DGKB: variants seen among roughly 807,000 people sequenced by gnomAD.
DGKB encodes 90 kDa diacylglycerol kinase.
Under a neutral mutation model 114.3 loss-of-function variants are expected in DGKB, and 67 were observed. The observed-to-expected ratio is 0.59, with a 90% CI of 0.48 to 0.72. The LOEUF is 0.72. DGKB is among the 30% of genes least tolerant of loss of function. The pLI is 0.00. For synonymous variants in DGKB, 398 were observed against 323.1 expected (o/e 1.23, Z -2.49); for missense variants, 907 against 975.2 (o/e 0.93, Z 0.93).
At chr7:14,254,516 C>T (rs1353191015) in intron 23 of DGKB, among the ~76,000 whole-genome samples, 1 of 152,132 alleles carries the variant, frequency 6.6e-6, no homozygotes, top group Admixed American at 6.5e-5. Flanking sequence ...ATGTTAGTTA[C>T]ATCACCCAGC....
chr7:14,248,045 T>G (rs1413756027), intron 23 of DGKB, among the ~76,000 whole-genome samples: 3 of 151,938 alleles, frequency 2.0e-5, no homozygotes, highest in Non-Finnish European at 4.4e-5. Context: ...GAAATAGGAG[T>G]TCGATTCTAT....
intron 1 of DGKB, among the ~76,000 whole-genome samples, chr7:14,902,196 C>T (rs917642488): frequency 3.3e-5 from 5 of 152,138 alleles, no homozygotes; most frequent in Non-Finnish European, 2.9e-5. Context: ...TGGACTGGAA[C>T]TTGTAACAAT....
At chr7:14,412,681 A>G (rs1386528460) in intron 21 of DGKB, among the ~76,000 whole-genome samples, 3 of 152,060 alleles carry the variant, frequency 2.0e-5, no homozygotes, top group Non-Finnish European at 4.4e-5. Context: ...ACTGAGGGAG[A>G]GCAAAAGTCA....
chr7:14,349,403 G>A lies in DGKB; in HGVS notation c.1836-4012C>T, dbSNP rs181731251. Among the ~76,000 whole-genome samples the A allele has an allele frequency of 7.7e-4, 117 of 152,134 alleles. 1 individual carries two copies. The highest frequency in any genetic ancestry group is 3.1e-4 in the Non-Finnish European group (21 of 67,966). On this transcript the variant is annotated intron_variant, in intron 21 of 25. Transcript: ENST00000402815. ...TAAAAAATATATATACGAGGTTTTGGCTTGTATAGAAATGATTATTCCCTG... is the reference window on the plus strand; with the variant it reads ...TAAAAAATATATATACGAGGTTTTGACTTGTATAGAAATGATTATTCCCTG...
chr7:14,754,635 T>G (rs929959956), intron 3 of DGKB, among the ~76,000 whole-genome samples: 1 of 152,136 alleles, frequency 6.6e-6, no homozygotes, highest in African/African-American at 2.4e-5. Flanking sequence ...CAAATTCTAC[T>G]GCTCTCAGGA....
intron 2 of DGKB, among the ~76,000 whole-genome samples, chr7:14,759,207 G>T (rs1350329753): frequency 6.6e-6 from 1 of 152,166 alleles, no homozygotes; most frequent in Non-Finnish European, 1.5e-5. Flanking sequence ...TTACAGGCAT[G>T]AGCCACCGTG....
chr7:14,342,062 C>T (rs1345326640), intron 22 of DGKB, among the ~76,000 whole-genome samples: 1 of 151,946 alleles, frequency 6.6e-6, no homozygotes, highest in East Asian at 1.9e-4. Flanking sequence ...GCTATTGCCT[C>T]TAAGAACTCT....
At chr7:14,443,883 C>T (rs560083238) in intron 21 of DGKB, among the ~76,000 whole-genome samples, 1 of 151,798 alleles carries the variant, frequency 6.6e-6, no homozygotes, top group Non-Finnish European at 1.5e-5. Context: ...TTAGCTCTCT[C>T]ACCTTCTATT....
chr7:14,250,620 T>C lies in DGKB; in HGVS notation c.2123-72469A>G, dbSNP rs140099585. Among the ~76,000 whole-genome samples the C allele has an allele frequency of 8.8e-3, 1,342 of 152,216 alleles. 15 individuals carry two copies. The highest frequency in any genetic ancestry group is 0.03 in the African/African-American group (1,240 of 41,532). Reference sequence around the variant, plus strand: ...CTTGAACAGAATGTGCATTCTGCTGTGTTGGATGGAATGTTCTTTATATGT... The same window carrying C: ...CTTGAACAGAATGTGCATTCTGCTGCGTTGGATGGAATGTTCTTTATATGT... On this transcript the variant is annotated intron_variant, in intron 23 of 25. Transcript: ENST00000402815.
intron 20 of DGKB, among the ~76,000 whole-genome samples, chr7:14,508,107 A>G (rs1353194948): frequency 6.6e-6 from 1 of 152,150 alleles, no homozygotes; most frequent in Non-Finnish European, 1.5e-5. Flanking sequence ...ATTTCTACCT[A>G]TATTAGTTAT....
At chr7:14,392,086 C>G (rs7803632) in intron 21 of DGKB, among the ~76,000 whole-genome samples, 1,615 of 152,176 alleles carry the variant, frequency 0.011, 32 homozygotes, top group African/African-American at 0.036. Context: ...CAGGTTATGT[C>G]TGCATAACCT....
intron 20 of DGKB, among the ~76,000 whole-genome samples, chr7:14,553,016 C>T (rs950760537): frequency 5.3e-5 from 8 of 152,172 alleles, no homozygotes. Flanking sequence ...AAGGCCTAAT[C>T]CCCAAAGGGG....
At chr7:14,558,474 A>C (rs1796185004) in intron 20 of DGKB, among the ~76,000 whole-genome samples, 1 of 152,098 alleles carries the variant, frequency 6.6e-6, no homozygotes, top group Non-Finnish European at 1.5e-5. Context: ...TTTTTAGACC[A>C]ACTTTTTGCG....
intron 17 of DGKB, among the ~76,000 whole-genome samples, chr7:14,585,803 T>A (rs1189925722): frequency 6.6e-6 from 1 of 152,144 alleles, no homozygotes; most frequent in African/African-American, 2.4e-5. Flanking sequence ...GCTTTTTCAT[T>A]ATTATTATAT....
At chr7:14,370,968 C>T (rs2128652664) in intron 21 of DGKB, among the ~76,000 whole-genome samples, 1 of 152,254 alleles carries the variant, frequency 6.6e-6, no homozygotes, top group South Asian at 2.1e-4. Flanking sequence ...CCTCCAGCTA[C>T]ATATATATTG....
chr7:14,482,786 C>T (rs976807091), intron 20 of DGKB, among the ~76,000 whole-genome samples: 3 of 152,028 alleles, frequency 2.0e-5, no homozygotes, highest in African/African-American at 4.8e-5. Context: ...CCTGAATATA[C>T]TATGTATATA....
intron 15 of DGKB, among the ~76,000 whole-genome samples, chr7:14,617,706 C>T (rs1380819707): frequency 6.6e-6 from 1 of 151,616 alleles, no homozygotes; most frequent in African/African-American, 2.4e-5. Flanking sequence ...GAATTACTTG[C>T]TACCACTTTC....
intron 1 of DGKB, among the ~76,000 whole-genome samples, chr7:14,916,334 G>C (rs1321405377): frequency 6.6e-6 from 1 of 151,954 alleles, no homozygotes; most frequent in African/African-American, 2.4e-5. Flanking sequence ...AATCAAGCTA[G>C]ACACCAATCC....
At position 14,597,348 on chromosome 7, in the gene DGKB, C is replaced by A. The variant is rs1413334256; in HGVS notation, c.1433+10086G>T. Among the ~76,000 whole-genome samples, 4 of 152,030 alleles carry A rather than the reference C, an allele frequency of 2.6e-5. No homozygotes were observed. In the South Asian group the frequency reaches 8.3e-4, roughly 32 times the overall value. On this transcript the variant is annotated intron_variant, in intron 17 of 25. Transcript: ENST00000402815. Reference sequence around the variant, plus strand: ...GGAGAATAAAACATTATGAATTCAACAAACATCTGCCATTTTCAGGAAATG... The same window carrying A: ...GGAGAATAAAACATTATGAATTCAAAAAACATCTGCCATTTTCAGGAAATG...
Sources: allele counts gnomAD v4.1 joint callset (sites outside exome capture counted in the v4.1 genomes callset), GRCh38; gene constraint gnomAD v4.1.1; transcripts MANE v1.5; gene names NCBI Gene and HGNC (gene_info 2026-07-23, HGNC 2026-07-21).